The following CEP70 variants were observed in gnomAD, a reference collection of about 807,000 sequenced individuals.
CEP70 encodes the protein centrosomal protein of 70 kDa.
CEP70 carries 70 observed loss-of-function variants against 90.9 expected under a neutral mutation model. That is an observed-to-expected ratio of 0.77 (90% CI 0.64 to 0.94). The LOEUF is 0.94. Ranked by LOEUF, CEP70 falls within the 40% of genes least tolerant of loss-of-function variation. CEP70 has a pLI of 0.00. For missense variants in CEP70, 648 were observed against 669.0 expected, an observed-to-expected ratio of 0.97 and a Z score of 0.35; for synonymous variants, 220 against 228.3, an observed-to-expected ratio of 0.96 and a Z score of 0.33.
Position 138,525,509 on chromosome 3 carries a change from C to T in CEP70, c.925G>A (p.Ala309Thr), listed in dbSNP as rs1301844065. 1.4e-6 allele frequency: 2 copies of T among 1,416,860 alleles called. No individual in the cohort carries two copies. Among genetic ancestry groups the T allele is most frequent in the South Asian group, 2.0e-5 (1 of 50,716 alleles). 87.8% of individuals were successfully genotyped at this position (1,416,860 alleles called of 1,614,324 possible). The part of the protein sequence containing the change: ...YKQQVKKLEK[A>T]LKKNVKLQEL... ...AATTACTTGACGTTTTTCTTAAGGG[C>T]TTTTTCCAGCTTCTTCACCTGCTGT... The change falls in exon 11 of 18, where the codon GCC (alanine) becomes ACC (threonine). Residue 309 changes from alanine (A) to threonine (T), a missense_variant. Coordinates refer to ENST00000264982, the MANE Select transcript of CEP70 (RefSeq NM_024491.4).
intron 13 of CEP70, among the ~76,000 whole-genome samples, chr3:138,503,849 C>T (rs543838014): frequency 5.9e-5 from 9 of 152,238 alleles, no homozygotes; most frequent in Admixed American, 2.6e-4. Context: ...GAACTTCAAC[C>T]GGTAATCTAT....
At chr3:138,552,202 G>C (rs2039669451) in intron 6 of CEP70, among the ~76,000 whole-genome samples, 1 of 152,110 alleles carries the variant, frequency 6.6e-6, no homozygotes, top group African/African-American at 2.4e-5. Context: ...TAAGTAATGA[G>C]ATAGACAGCA....
At chr3:138,547,061 C>T (rs911812341) in intron 6 of CEP70, among the ~76,000 whole-genome samples, 3 of 152,234 alleles carry the variant, frequency 2.0e-5, no homozygotes, top group East Asian at 3.9e-4. Context: ...AAATAAAAAA[C>T]GGATGTGACT....
chr3:138,506,246 G>A (rs535912459), intron 12 of CEP70, among the ~76,000 whole-genome samples: 1 of 152,302 alleles, frequency 6.6e-6, no homozygotes, highest in African/African-American at 2.4e-5. Context: ...CACTTTGGGA[G>A]GTTGAGGCAG....
rs139273777 is a variant in CEP70, at chr3:138,552,357, C to A, written c.466-15010G>T. The stretch of plus-strand genomic sequence containing the variant: ...GATATTTACAACACATTCTACCCAA[C>A]AACTGTAGAATATACATTCTATTCA... On this transcript the variant is annotated intron_variant, in intron 6 of 17. Transcript: ENST00000264982. 3.9e-3 allele frequency among the ~76,000 whole-genome samples: 596 copies of A among 152,274 alleles called. 3 individuals are homozygous for A. The highest frequency in any genetic ancestry group is 0.014 in the African/African-American group (573 of 41,554).
At chr3:138,585,071 GAA>G (rs2042046087) in intron 2 of CEP70, among the ~76,000 whole-genome samples, 1 of 151,924 alleles carries the variant, frequency 6.6e-6, no homozygotes, top group Non-Finnish European at 1.5e-5. Context: ...CATGAGAAAG[GAA>G]AAAAAGGCCA....
At chr3:138,537,774 C>T (rs1025586316) in intron 6 of CEP70, among the ~76,000 whole-genome samples, 4 of 152,044 alleles carry the variant, frequency 2.6e-5, no homozygotes, top group African/African-American at 9.7e-5. Flanking sequence ...AGTCCATAAC[C>T]AGGAAATTAT....
At chr3:138,581,694 C>CAAAAAAAAAA (rs35064874) in intron 2 of CEP70, among the ~76,000 whole-genome samples, 43 of 79,280 alleles carry the variant, frequency 5.4e-4, no homozygotes, top group South Asian at 1.4e-3. Flanking sequence ...AAACTTGTCT[C>CAAAAAAAAAA]AAAAAAAAAA....
At chr3:138,510,879 G>C in intron 11 of CEP70, among the ~76,000 whole-genome samples, 1 of 37,670 alleles carries the variant, frequency 2.7e-5, no homozygotes, top group East Asian at 7.8e-4. Context: ...TTTTTTTTTT[G>C]AGACGGAGTC....
At position 138,593,442 on chromosome 3, in the gene CEP70, C is replaced by T. The variant is rs145706020; in HGVS notation, c.-109+756G>A. Among the ~76,000 whole-genome samples, 763 of 152,222 alleles carry T rather than the reference C, an allele frequency of 5.0e-3. 3 individuals carry two copies. Among genetic ancestry groups the T allele is most frequent in the Middle Eastern group, 0.034 (10 of 294 alleles). ...TTCATCATGTTGGCCAGGGTGGTCT[C>T]GAACTCCTGACCTCAGGGGATCCGC... is the stretch of plus-strand genomic sequence containing the variant. On this transcript the variant is annotated intron_variant, in intron 1 of 17. Coordinates refer to ENST00000264982, the MANE Select transcript of CEP70 (RefSeq NM_024491.4).
chr3:138,520,407 T>C (rs1054983834), intron 11 of CEP70, among the ~76,000 whole-genome samples: 3 of 152,146 alleles, frequency 2.0e-5, no homozygotes, highest in African/African-American at 7.2e-5. Flanking sequence ...ACCACACCTA[T>C]TCCAAAATCG....
chr3:138,549,602 C>G (rs928034942), intron 6 of CEP70, among the ~76,000 whole-genome samples: 96 of 152,156 alleles, frequency 6.3e-4, no homozygotes, highest in African/African-American at 2.1e-3. Context: ...TAACCCTGGC[C>G]CAACATGATG....
intron 6 of CEP70, among the ~76,000 whole-genome samples, chr3:138,548,438 A>T (rs2039377756): frequency 6.6e-6 from 1 of 152,122 alleles, no homozygotes; most frequent in Non-Finnish European, 1.5e-5. Context: ...TATATAAACT[A>T]TCATTTCTCC....
chr3:138,570,422 T>C lies in CEP70; in HGVS notation c.361A>G (p.Ser121Gly). 1 of 1,610,242 alleles carries C rather than the reference T, an allele frequency of 6.2e-7. No individual in the cohort carries two copies. The highest frequency in any genetic ancestry group is 8.5e-7 in the Non-Finnish European group (1 of 1,178,706). ...RANDLEQIME[S>G]VKSKIGELED... ...AATTCACCAATTTTGGATTTCACAC[T>C]TTCCATAATTTGTTCCAAGTCATTA... The change falls in exon 6 of 18, where the codon AGT (serine) becomes GGT (glycine). Residue 121 changes from serine (S) to glycine (G), a missense_variant. Transcript: ENST00000264982.
intron 2 of CEP70, among the ~76,000 whole-genome samples, chr3:138,578,082 A>T (rs897419662): frequency 3.9e-5 from 6 of 152,210 alleles, no homozygotes; most frequent in African/African-American, 1.4e-4. Context: ...TGCAAGTACC[A>T]AAATCCATGG....
At chr3:138,546,855 G>A (rs2039245582) in intron 6 of CEP70, among the ~76,000 whole-genome samples, 1 of 152,102 alleles carries the variant, frequency 6.6e-6, no homozygotes, top group Non-Finnish European at 1.5e-5. Context: ...TACCTGGCCT[G>A]TATAATACAG....
chr3:138,537,381 A>G (rs773177528), intron 6 of CEP70, 34 bp from the exon 7 acceptor site: 43 of 1,407,042 alleles, frequency 3.1e-5, no homozygotes, highest in Non-Finnish European at 4.1e-5. Flanking sequence ...TGATTATGAT[A>G]TGTACATCTA....
intron 11 of CEP70, among the ~76,000 whole-genome samples, chr3:138,521,446 T>A (rs1321653503): frequency 6.7e-6 from 1 of 148,802 alleles, no homozygotes. Context: ...GAGGAGTGCC[T>A]CTTCCAGGCC....
At chr3:138,521,549 T>C (rs545873547) in intron 11 of CEP70, among the ~76,000 whole-genome samples, 293 of 140,838 alleles carry the variant, frequency 2.1e-3, no homozygotes, top group African/African-American at 7.5e-3. Flanking sequence ...CCATCTGGGA[T>C]GTGAGGAGCG....
Sources: gnomAD v4.1 joint callset for allele counts (sites outside exome capture counted in the v4.1 genomes callset) on GRCh38, gnomAD v4.1.1 for gene constraint, MANE v1.5 for transcripts, NCBI Gene and HGNC (gene_info 2026-07-23, HGNC 2026-07-21) for gene names.